DIP2C: variants seen among roughly 807,000 people sequenced by gnomAD.
DIP2C encodes the protein DIP2 acetate--CoA ligase C (putative).
In DIP2C, 33 loss-of-function variants were observed where a neutral mutation model predicts 192.4. The observed-to-expected ratio is 0.17, with a 90% CI of 0.13 to 0.23. DIP2C has a LOEUF of 0.23. DIP2C is among the 10% of genes least tolerant of loss of function. The pLI is 1.00. For missense variants in DIP2C, 1,537 were observed against 2,110.1 expected (o/e 0.73, Z 5.32); for synonymous variants, 979 against 864.1 (o/e 1.13, Z -2.33).
intron 32 of DIP2C, among the ~76,000 whole-genome samples, chr10:309,644 T>C (rs1203697686): frequency 6.6e-6 from 1 of 151,386 alleles, no homozygotes; most frequent in Non-Finnish European, 1.5e-5. Context: ...CTGTAACCTC[T>C]GCCTCCCAGT....
At chr10:342,962 G>A (rs1375127874) in intron 28 of DIP2C, among the ~76,000 whole-genome samples, 1 of 152,222 alleles carries the variant, frequency 6.6e-6, no homozygotes, top group African/African-American at 2.4e-5. Flanking sequence ...GGAAGTCAAA[G>A]CAGCATACAA....
intron 1 of DIP2C, among the ~76,000 whole-genome samples, chr10:526,206 TCA>T (rs1395741495): frequency 1.3e-5 from 2 of 152,080 alleles, no homozygotes; most frequent in Non-Finnish European, 2.9e-5. Context: ...GGCTCACCAC[TCA>T]CAAAGCCCAC....
intron 1 of DIP2C, among the ~76,000 whole-genome samples, chr10:649,074 C>CAT (rs1320234668): frequency 1.1e-4 from 17 of 148,124 alleles, no homozygotes; most frequent in African/African-American, 4.2e-4. Flanking sequence ...TGGGAGAGAA[C>CAT]ATAGGGAAAC....
At chr10:619,152 A>G (rs1853669611) in intron 1 of DIP2C, among the ~76,000 whole-genome samples, 1 of 152,130 alleles carries the variant, frequency 6.6e-6, no homozygotes, top group South Asian at 2.1e-4. Context: ...AGTTCCCAGA[A>G]CACTGATGCC....
At chr10:530,443 G>T (rs534449134) in intron 1 of DIP2C, among the ~76,000 whole-genome samples, 1 of 152,030 alleles carries the variant, frequency 6.6e-6, no homozygotes, top group Non-Finnish European at 1.5e-5. Flanking sequence ...GGCCAAGGTC[G>T]TGACACCCCA....
chr10:384,008 T>C lies in DIP2C; in HGVS notation c.1876+19A>G. The stretch of plus-strand genomic sequence containing the variant: ...TCCACAGCCCGCCTGCCTCACGAGA[T>C]CACACGCTCCTCACTTACAGGGGTT... On this transcript the variant is annotated intron_variant, in intron 16 of 36. Coordinates refer to ENST00000280886, the MANE Select transcript of DIP2C (RefSeq NM_014974.3). 1.3e-6 allele frequency: 2 copies of C among 1,517,624 alleles called. No individual in the cohort carries two copies. Among genetic ancestry groups the C allele is most frequent in the Non-Finnish European group, 1.8e-6 (2 of 1,141,500 alleles). 94.0% of individuals were successfully genotyped at this position (1,517,624 alleles called of 1,614,324 possible). A position where few individuals can be genotyped will look rare whatever the true frequency, so the allele number is the denominator to read the frequency against.
intron 1 of DIP2C, among the ~76,000 whole-genome samples, chr10:558,931 T>TCC (rs1224994985): frequency 1.8e-5 from 2 of 110,314 alleles, no homozygotes; most frequent in African/African-American, 7.0e-5. Context: ...ACCCGACCCC[T>TCC]CCCCCACCGA....
At position 465,614 on chromosome 10, in the gene DIP2C, A is replaced by G. The variant is rs771608076; in HGVS notation, c.268+6825T>C. On this transcript the variant is annotated intron_variant, in intron 3 of 36. Coordinates refer to ENST00000280886, the MANE Select transcript of DIP2C (RefSeq NM_014974.3). ...AGTCAAATTGTCCCTGTTTGCAGAC[A>G]ACATGATTGTTTATCTAGAAAACCC... 8.9e-3 allele frequency among the ~76,000 whole-genome samples: 1,348 copies of G among 151,126 alleles called. 10 individuals are homozygous for G. Among genetic ancestry groups the G allele is most frequent in the Admixed American group, 0.014 (218 of 15,132 alleles).
chr10:312,097 A>T (rs1448618228), intron 31 of DIP2C, among the ~76,000 whole-genome samples: 1 of 152,198 alleles, frequency 6.6e-6, no homozygotes, highest in East Asian at 1.9e-4. Flanking sequence ...CTGAAGCCTG[A>T]AAGAATCCAG....
intron 3 of DIP2C, among the ~76,000 whole-genome samples, chr10:459,502 G>A (rs1364394239): frequency 1.3e-5 from 2 of 152,210 alleles, no homozygotes; most frequent in African/African-American, 2.4e-5. Context: ...AGACACAGCA[G>A]TAGCTCCACC....
At chr10:367,395 C>T (rs948798743) in intron 18 of DIP2C, among the ~76,000 whole-genome samples, 41 of 147,658 alleles carry the variant, frequency 2.8e-4, no homozygotes, top group African/African-American at 9.1e-4. Context: ...CCAGCCTGGG[C>T]GACAGCGAGA....
At chr10:303,603 A>C (rs1196471366) in intron 32 of DIP2C, among the ~76,000 whole-genome samples, 2 of 151,832 alleles carry the variant, frequency 1.3e-5, no homozygotes, top group African/African-American at 4.8e-5. Flanking sequence ...GGCTCACCAC[A>C]ACCTCTGCTT....
intron 1 of DIP2C, chr10:663,694 C>T (rs1345677270): frequency 6.6e-6 from 1 of 152,252 alleles, no homozygotes; most frequent in Non-Finnish European, 1.5e-5. Context: ...CTCGAAGGTC[C>T]ACATCCAGGT....
intron 3 of DIP2C, among the ~76,000 whole-genome samples, chr10:462,028 A>T (rs755940897): frequency 1.5e-4 from 23 of 152,296 alleles, no homozygotes; most frequent in Non-Finnish European, 2.9e-4. Context: ...ACAGATAAAG[A>T]GGTGTGTAGA....
At chr10:557,632 C>A (rs1430813736) in intron 1 of DIP2C, among the ~76,000 whole-genome samples, 1 of 121,686 alleles carries the variant, frequency 8.2e-6, no homozygotes, top group Admixed American at 8.7e-5. Context: ...CAACATATGA[C>A]CCAATACAGG....
intron 1 of DIP2C, among the ~76,000 whole-genome samples, chr10:603,344 G>A (rs1223922458): frequency 4.1e-5 from 5 of 120,970 alleles, no homozygotes; most frequent in African/African-American, 1.7e-4. Flanking sequence ...CCAACCATGA[G>A]ATTTTGCTGC....
Position 652,993 on chromosome 10 carries a change from C to G in DIP2C, c.85+36501G>C, listed in dbSNP as rs1055093073. Among the ~76,000 whole-genome samples the G allele has an allele frequency of 6.6e-6, 1 of 152,194 alleles. No individual in the cohort carries two copies. Among genetic ancestry groups the G allele is most frequent in the East Asian group, 1.9e-4 (1 of 5,182 alleles). ...TCAAGGTGCCCCACGTCCCCAAAGA[C>G]CAAGGGGTCACAGCTCCACATTGTC... On this transcript the variant is annotated intron_variant, in intron 1 of 36. Coordinates refer to ENST00000280886, the MANE Select transcript of DIP2C (RefSeq NM_014974.3). The surrounding 1 kb of genome is among the most constrained non-coding windows in gnomAD (Gnocchi z 4.5).
intron 1 of DIP2C, among the ~76,000 whole-genome samples, chr10:604,700 A>G (rs897858604): frequency 6.6e-6 from 1 of 152,238 alleles, no homozygotes; most frequent in African/African-American, 2.4e-5. Flanking sequence ...TTTCCCCTAA[A>G]AGACATTTGT....
chr10:614,014 T>C (rs1853274426), intron 1 of DIP2C, among the ~76,000 whole-genome samples: 1 of 152,164 alleles, frequency 6.6e-6, no homozygotes, highest in South Asian at 2.1e-4. Flanking sequence ...CCTAAACCAG[T>C]GCCTGCATTC....
Sources: gnomAD v4.1 joint callset for allele counts (sites outside exome capture counted in the v4.1 genomes callset) on GRCh38, gnomAD v4.1.1 for gene constraint, Gnocchi (gnomAD v3.1) non-coding constraint, MANE v1.5 for transcripts, NCBI Gene and HGNC (gene_info 2026-07-23, HGNC 2026-07-21) for gene names.